Variants in PRKDC observed in about 807,000 individuals in gnomAD.
PRKDC encodes the protein DNA-dependent protein kinase catalytic subunit.
A neutral mutation model predicts 486.9 loss-of-function variants in PRKDC; 82 were observed. The observed-to-expected ratio is 0.17, with a 90% CI of 0.14 to 0.20. The LOEUF is 0.20. Among genes scored for constraint, PRKDC ranks in the 10% least tolerant of loss-of-function variants. The probability of loss-of-function intolerance (pLI) is 1.00; values close to 1 mark genes in which losing one functional copy is unlikely to be tolerated. For missense variants in PRKDC, 4,504 were observed against 5,038.2 expected (o/e 0.89, Z 3.21); for synonymous variants, 1,895 against 1,837.0 (o/e 1.03, Z -0.81).
intron 69 of PRKDC, among the ~76,000 whole-genome samples, chr8:47,806,126 A>T (rs2087211570): frequency 6.6e-6 from 1 of 152,176 alleles, no homozygotes; most frequent in Non-Finnish European, 1.5e-5. Context: ...TGTCCAAGGC[A>T]GAAGCTCTTC....
At chr8:47,785,459 C>A in intron 76 of PRKDC, 142 bp from the exon 77 acceptor site, 1 of 704,562 alleles carries the variant, frequency 1.4e-6, no homozygotes, top group South Asian at 1.9e-5. Context: ...TTTGGTTGGG[C>A]ATGGTGGCTC....
chr8:47,864,566 C>T lies in PRKDC; in HGVS notation c.5561G>A (p.Arg1854Lys). The T allele has an allele frequency of 3.7e-6, 6 of 1,607,636 alleles. No individual in the cohort carries two copies. The highest frequency in any genetic ancestry group is 5.1e-6 in the Non-Finnish European group (6 of 1,177,546). Residue 1854 changes from arginine to lysine, a missense_variant, in exon 41 of 86, where the codon AGG (arginine) becomes AAG (lysine). By Grantham distance (26) the Arg-to-Lys change is conservative. Around this residue, in one of 6 missense-constraint regions of PRKDC, gnomAD observed 1,969 missense variants for 2,068.9 expected, o/e 0.95. Transcript: ENST00000314191. The stretch of plus-strand genomic sequence containing the variant: ...TAAGGCGTATGATACCTTTGTAAAC[C>T]TGGACTTCAACACATCAATGGCATC... ...VVDAIDVLKSRFTKLNESTFD... is the reference protein window; with the variant it reads ...VVDAIDVLKSKFTKLNESTFD...
intron 76 of PRKDC, among the ~76,000 whole-genome samples, chr8:47,785,653 T>C (rs2086778846): frequency 6.6e-6 from 1 of 152,142 alleles, no homozygotes; most frequent in African/African-American, 2.4e-5. Flanking sequence ...AGGATCGCTA[T>C]TGAGCCCAGG....
chr8:47,809,485 C>T (rs1373607973), intron 68 of PRKDC, among the ~76,000 whole-genome samples: 1 of 152,182 alleles, frequency 6.6e-6, no homozygotes, highest in African/African-American at 2.4e-5. Context: ...GAGGTGGGAA[C>T]GTCCACAGAA....
At chr8:47,959,944 C>T in intron 1 of PRKDC, 29 bp downstream of exon 1, 2 of 1,530,628 alleles carry the variant, frequency 1.3e-6, no homozygotes, top group South Asian at 1.2e-5. Flanking sequence ...CCAGGACCCA[C>T]CCGCGGCCCA....
intron 51 of PRKDC, among the ~76,000 whole-genome samples, chr8:47,853,144 T>C (rs749775530): frequency 2.0e-5 from 3 of 151,984 alleles, no homozygotes; most frequent in East Asian, 1.9e-4. Context: ...ACAAGGACAA[T>C]AAAATGAGAA....
intron 7 of PRKDC, among the ~76,000 whole-genome samples, chr8:47,944,484 T>TAA (rs75220935): frequency 0.014 from 1,398 of 98,996 alleles, 19 homozygotes; most frequent in African/African-American, 0.037. Context: ...AGAAAAAAAT[T>TAA]AAAAAAAAAA....
At chr8:47,857,098 C>A (rs1207848117) in intron 49 of PRKDC, 58 bp downstream of exon 49, 7 of 1,546,492 alleles carry the variant, frequency 4.5e-6, no homozygotes, top group Non-Finnish European at 6.1e-6. Context: ...GTGTCATAGG[C>A]TCTATAGGCT....
chr8:47,944,095 C>T (rs1441809861), intron 7 of PRKDC, 66 bp from the exon 8 acceptor site: 1 of 1,255,354 alleles, frequency 8.0e-7, no homozygotes, highest in Non-Finnish European at 1.1e-6. Context: ...ACTTTACAGA[C>T]AGCTTGACAC....
At position 47,878,664 on chromosome 8, in the gene PRKDC, A is replaced by AT. The variant is rs557215180; in HGVS notation, c.5236-814dup. Among the ~76,000 whole-genome samples, 584 of 152,166 alleles carry AT rather than the reference A, an allele frequency of 3.8e-3. 4 individuals carry two copies. The highest frequency in any genetic ancestry group is 0.025 in the South Asian group (119 of 4,820). The stretch of plus-strand genomic sequence containing the variant: ...TTCTGCTTTCTAGGAGATACCCTTA[A>AT]TTTTATCTTCAGAATAGAACAAGTA... On this transcript the variant is annotated intron_variant, in intron 39 of 85. Coordinates refer to ENST00000314191, the MANE Select transcript of PRKDC (RefSeq NM_006904.7).
At chr8:47,795,059 G>C (rs1372388326) in intron 73 of PRKDC, among the ~76,000 whole-genome samples, 1 of 151,646 alleles carries the variant, frequency 6.6e-6, no homozygotes, top group Non-Finnish European at 1.5e-5. Flanking sequence ...GCTAATTTTC[G>C]TATTTTTAGT....
intron 34 of PRKDC, among the ~76,000 whole-genome samples, chr8:47,888,272 A>C (rs939071800): frequency 2.0e-5 from 3 of 152,158 alleles, no homozygotes; most frequent in Non-Finnish European, 2.9e-5. Context: ...CTGCTCTGTA[A>C]ATACCTAAAT....
At chr8:47,901,131 A>G (rs2089673905) in intron 27 of PRKDC, among the ~76,000 whole-genome samples, 1 of 144,440 alleles carries the variant, frequency 6.9e-6, no homozygotes, top group Non-Finnish European at 1.5e-5. Flanking sequence ...CCTGAGCAAC[A>G]GAGCAAGACC....
At chr8:47,828,058 T>TAA in intron 62 of PRKDC, 110 bp downstream of exon 62, 2 of 1,078,716 alleles carry the variant, frequency 1.9e-6, no homozygotes, top group South Asian at 3.7e-5. Flanking sequence ...CTTACTCTGT[T>TAA]AAACACCAGG....
intron 84 of PRKDC, 66 bp from the exon 85 acceptor site, chr8:47,777,049 T>C (rs2086621222): frequency 1.3e-6 from 2 of 1,522,258 alleles, no homozygotes; most frequent in East Asian, 2.3e-5. Context: ...CCCAAACAGA[T>C]TAAATCTAGT....
At chr8:47,783,627 T>G in intron 78 of PRKDC, 115 bp downstream of exon 78, 1 of 1,002,520 alleles carries the variant, frequency 1.0e-6, no homozygotes, top group African/African-American at 1.6e-5. Flanking sequence ...ATGCTAAACT[T>G]GATATATCTG....
At position 47,887,753 on chromosome 8, in the gene PRKDC, G is replaced by GA. The variant is rs761095818; in HGVS notation, c.4414-49dup. The GA allele has an allele frequency of 1.4e-5, 21 of 1,524,332 alleles. No homozygotes were observed. In the East Asian group the frequency reaches 4.1e-4, roughly 29 times the overall value. 94.4% of individuals were successfully genotyped at this position (1,524,332 alleles called of 1,614,324 possible). On this transcript the variant is annotated intron_variant, in intron 34 of 85. Transcript: ENST00000314191. Reference sequence around the variant, plus strand: ...ATGCCTAGCAAAAAGATATTTCTTAGAAAAAAACAACTTCACTCCTCTCAT... The same window carrying GA: ...ATGCCTAGCAAAAAGATATTTCTTAGAAAAAAAACAACTTCACTCCTCTCAT...
rs201572934 is a variant in PRKDC, at chr8:47,954,507, C to A, written c.400-61G>T. The stretch of plus-strand genomic sequence containing the variant: ...GGGAATCAAGAAAAAAAACACAATA[C>A]AAATTAGCATTCTCTCTAAAGAGGG... On this transcript the variant is annotated intron_variant, in intron 4 of 85. Coordinates refer to ENST00000314191, the MANE Select transcript of PRKDC (RefSeq NM_006904.7). 339 of 607,410 alleles carry A rather than the reference C, an allele frequency of 5.6e-4. 1 individual carries two copies. Among genetic ancestry groups the A allele is most frequent in the Non-Finnish European group, 6.6e-4 (248 of 377,392 alleles). 37.6% of individuals were successfully genotyped at this position (607,410 alleles called of 1,614,324 possible). A position where few individuals can be genotyped will look rare whatever the true frequency, so the allele number is the denominator to read the frequency against.
chr8:47,950,344 G>A (rs954873015), intron 7 of PRKDC, among the ~76,000 whole-genome samples: 4 of 151,368 alleles, frequency 2.6e-5, no homozygotes, highest in Non-Finnish European at 5.9e-5. Context: ...TTTTAGGATC[G>A]GCCAGGCACA....
Sources: gnomAD v4.1 joint callset for allele counts (sites outside exome capture counted in the v4.1 genomes callset) on GRCh38, gnomAD v4.1.1 for gene constraint, gnomAD v4.1.1 regional missense constraint, MANE v1.5 for transcripts, NCBI Gene and HGNC (gene_info 2026-07-23, HGNC 2026-07-21) for gene names.